The following GARRE1 variants were observed in gnomAD, a reference collection of about 807,000 sequenced individuals.
The protein encoded by GARRE1 is granule associated Rac and RHOG effector protein 1.
GARRE1 carries 49 observed loss-of-function variants against 103.2 expected under a neutral mutation model. The ratio of observed to expected loss-of-function variants is 0.47; its 90% CI spans 0.38 to 0.60. The LOEUF is 0.60. GARRE1 is among the 20% of genes least tolerant of loss of function. GARRE1 has a pLI of 0.00. For synonymous variants in GARRE1, 505 were observed against 532.8 expected (o/e 0.95, Z 0.72); for missense variants, 1,199 against 1,370.5 (o/e 0.87, Z 1.98).
rs185870691 is a variant in GARRE1, at chr19:34,317,602, G to A, written c.496-2305G>A. On this transcript the variant is annotated intron_variant, in intron 2 of 13. Transcript: ENST00000299505. ...GTGGAGTTCCTGTCACATGCAAGCC[G>A]ATGCCAGTTTAGAGTCTGCTGAAGG... 1.2e-4 allele frequency among the ~76,000 whole-genome samples: 19 copies of A among 152,304 alleles called. No individual in the cohort carries two copies. The East Asian group carries it at 3.1e-3, about 25-fold the overall frequency.
At chr19:34,334,427 G>C (rs1048965305) in intron 8 of GARRE1, among the ~76,000 whole-genome samples, 1 of 152,154 alleles carries the variant, frequency 6.6e-6, no homozygotes, top group Middle Eastern at 3.4e-3. Context: ...GGCCAAGTGC[G>C]GTGACTCACA....
At chr19:34,321,993 T>TGCAGG in intron 3 of GARRE1, among the ~76,000 whole-genome samples, 1 of 151,992 alleles carries the variant, frequency 6.6e-6, no homozygotes, top group Non-Finnish European at 1.5e-5. Context: ...GACTAAATGG[T>TGCAGG]GGGCTGCAGG....
At chr19:34,306,074 C>T (rs1273816099) in intron 2 of GARRE1, among the ~76,000 whole-genome samples, 1 of 152,174 alleles carries the variant, frequency 6.6e-6, no homozygotes, top group African/African-American at 2.4e-5. Context: ...GGGATTTAGC[C>T]ATAGGCCAAT....
At chr19:34,261,092 CCTTG>C (rs1338288067) in intron 1 of GARRE1, among the ~76,000 whole-genome samples, 2 of 152,178 alleles carry the variant, frequency 1.3e-5, no homozygotes, top group Non-Finnish European at 2.9e-5. Flanking sequence ...AGGGTCTCTC[CCTTG>C]CTTAGCGTCT....
intron 7 of GARRE1, among the ~76,000 whole-genome samples, chr19:34,333,332 C>G (rs2145272259): frequency 1.3e-5 from 2 of 152,330 alleles, no homozygotes; most frequent in East Asian, 3.9e-4. Flanking sequence ...TGAGCCACTG[C>G]ACCCAGTCTG....
chr19:34,314,692 G>A (rs746227301), intron 2 of GARRE1, among the ~76,000 whole-genome samples: 5 of 152,214 alleles, frequency 3.3e-5, no homozygotes, highest in Admixed American at 6.5e-5. Context: ...TCTAAACATA[G>A]CATGGCACCT....
At chr19:34,340,341 AT>A (rs954784486) in intron 9 of GARRE1, among the ~76,000 whole-genome samples, 1 of 152,018 alleles carries the variant, frequency 6.6e-6, no homozygotes, top group East Asian at 1.9e-4. Context: ...GTCTTTTAGA[AT>A]TTTTTTTCTT....
chr19:34,283,429 A>G (rs1186798591), intron 1 of GARRE1, among the ~76,000 whole-genome samples: 3 of 152,206 alleles, frequency 2.0e-5, no homozygotes. Flanking sequence ...AGAAATAACA[A>G]GGCCTGCTTC....
chr19:34,282,649 A>C (rs2073862658), intron 1 of GARRE1, among the ~76,000 whole-genome samples: 1 of 152,098 alleles, frequency 6.6e-6, no homozygotes, highest in Non-Finnish European at 1.5e-5. Flanking sequence ...TGGGTTGTTC[A>C]TATAGGTAAT....
At chr19:34,312,074 C>T (rs2074039623) in intron 2 of GARRE1, among the ~76,000 whole-genome samples, 1 of 152,102 alleles carries the variant, frequency 6.6e-6, no homozygotes, top group African/African-American at 2.4e-5. Context: ...TCTGGGCCTC[C>T]TAAAGTGCTG....
intron 1 of GARRE1, among the ~76,000 whole-genome samples, chr19:34,283,840 T>G (rs1360373638): frequency 1.4e-5 from 2 of 147,790 alleles, no homozygotes; most frequent in African/African-American, 5.0e-5. Context: ...CTTTTTTTTT[T>G]TTTTTTTTTG....
At chr19:34,294,609 G>A (rs530533199) in intron 1 of GARRE1, among the ~76,000 whole-genome samples, 38 of 133,012 alleles carry the variant, frequency 2.9e-4, no homozygotes, top group Middle Eastern at 3.7e-3. Flanking sequence ...GGCTTCCCTT[G>A]GGAAGAGTTT....
At chr19:34,297,597 C>G (rs2073954101) in intron 1 of GARRE1, among the ~76,000 whole-genome samples, 1 of 152,098 alleles carries the variant, frequency 6.6e-6, no homozygotes, top group Non-Finnish European at 1.5e-5. Context: ...CTCACTGTGG[C>G]CAACTCAGGT....
chr19:34,333,706 G>A lies in GARRE1; in HGVS notation c.1266G>A (p.Val422=). The change falls in exon 8 of 14, where the codon GTG becomes GTA. Residue 422 remains valine (V), a splice_region_variant and synonymous_variant. Coordinates refer to ENST00000299505, the MANE Select transcript of GARRE1 (RefSeq NM_014686.5). ...VQLLFGQAGL[V]VVDTAQIENK... is the part of the protein sequence containing the mutation. The stretch of plus-strand genomic sequence containing the variant: ...TTTTTTTTTTTTTTCGATCTTAGGT[G>A]GTGGTTGACACAGCACAGATTGAGA... 1 of 1,119,266 alleles carries A rather than the reference G, an allele frequency of 8.9e-7. No individual in the cohort carries two copies. Among genetic ancestry groups the A allele is most frequent in the Non-Finnish European group, 1.3e-6 (1 of 754,656 alleles). The allele number at this position is 1,119,266 out of a possible 1,614,324, so 69.3% of individuals were successfully genotyped here.
chr19:34,320,144 C>A, intron 3 of GARRE1, 28 bp downstream of exon 3: 1 of 1,596,996 alleles, frequency 6.3e-7, no homozygotes, highest in Non-Finnish European at 8.6e-7. Flanking sequence ...GAGATTGGTG[C>A]CTGTGTTCAA....
intron 8 of GARRE1, among the ~76,000 whole-genome samples, chr19:34,337,051 T>A (rs977605384): frequency 1.1e-5 from 1 of 91,944 alleles, no homozygotes; most frequent in Non-Finnish European, 2.5e-5. Flanking sequence ...TTTAGTTCTG[T>A]TTTTTTTTTT....
In GARRE1 at chr19:34,348,942, T is replaced by C; in HGVS notation, c.2688-74T>C. ...TATGGGATGAATGCAGGGTAAGGAC[T>C]GCCCTTTCAGGGTGGGGTGGCGGGT... is the stretch of plus-strand genomic sequence containing the variant. On this transcript the variant is annotated intron_variant, in intron 11 of 13. Transcript: ENST00000299505. 2.6e-6 allele frequency: 4 copies of C among 1,565,544 alleles called. No homozygotes were observed. In the South Asian group the frequency reaches 4.5e-5, roughly 17 times the overall value.
chr19:34,282,445 C>T (rs894230435), intron 1 of GARRE1, among the ~76,000 whole-genome samples: 5 of 152,206 alleles, frequency 3.3e-5, no homozygotes, highest in Admixed American at 3.3e-4. Flanking sequence ...CCACCGTGCC[C>T]AGCCCTGCTT....
chr19:34,323,531 T>G (rs975199700), intron 3 of GARRE1, among the ~76,000 whole-genome samples: 4 of 152,238 alleles, frequency 2.6e-5, no homozygotes, highest in Non-Finnish European at 4.4e-5. Flanking sequence ...CCTAGGGCTT[T>G]CTTTCTGTTC....
Sources: gnomAD v4.1 joint callset for allele counts (sites outside exome capture counted in the v4.1 genomes callset) on GRCh38, gnomAD v4.1.1 for gene constraint, MANE v1.5 for transcripts, NCBI Gene and HGNC (gene_info 2026-07-23, HGNC 2026-07-21) for gene names.